ZNF423: variants seen among roughly 807,000 people sequenced by gnomAD.
The protein encoded by ZNF423 is zinc finger protein 423, also known as Ebf-associated zinc finger protein.
Under a neutral mutation model 95.8 loss-of-function variants are expected in ZNF423, and 12 were observed. That is an observed-to-expected ratio of 0.13 (90% CI 0.08 to 0.20). ZNF423 has a LOEUF of 0.20. Among genes scored for constraint, ZNF423 ranks in the 10% least tolerant of loss-of-function variants. The pLI is 1.00. For missense variants in ZNF423, 1,316 were observed against 1,737.1 expected, an observed-to-expected ratio of 0.76 and a Z score of 4.31; for synonymous variants, 749 against 711.9, an observed-to-expected ratio of 1.05 and a Z score of -0.83.
chr16:49,528,193 C>T (rs550582266), intron 5 of ZNF423, among the ~76,000 whole-genome samples: 17 of 152,246 alleles, frequency 1.1e-4, no homozygotes, highest in African/African-American at 3.6e-4. Flanking sequence ...ACACAAACAC[C>T]GAGAGGACAA....
intron 2 of ZNF423, among the ~76,000 whole-genome samples, chr16:49,782,826 C>A (rs77043610): frequency 6.6e-6 from 1 of 151,966 alleles, no homozygotes; most frequent in Non-Finnish European, 1.5e-5. Flanking sequence ...TAAAAATGAC[C>A]CCCTTACCCA....
chr16:49,664,140 G>C (rs1324829916), intron 3 of ZNF423: 1 of 985,506 alleles, frequency 1.0e-6, no homozygotes, highest in East Asian at 1.1e-4. Flanking sequence ...CCGATGCCAA[G>C]AGGGCCAGAA....
intron 5 of ZNF423, among the ~76,000 whole-genome samples, chr16:49,542,729 G>A (rs1969297833): frequency 6.6e-6 from 1 of 152,192 alleles, no homozygotes; most frequent in Non-Finnish European, 1.5e-5. Flanking sequence ...CCCTGGGGAG[G>A]AGGCAGCTCC....
intron 3 of ZNF423, among the ~76,000 whole-genome samples, chr16:49,688,226 G>A (rs2151943814): frequency 6.6e-6 from 1 of 152,244 alleles, no homozygotes; most frequent in South Asian, 2.1e-4. Context: ...TTAAGTAGAA[G>A]CTGGATTAAA....
chr16:49,661,358 A>G (rs2030216495), intron 3 of ZNF423, among the ~76,000 whole-genome samples: 1 of 152,208 alleles, frequency 6.6e-6, no homozygotes, highest in Non-Finnish European at 1.5e-5. Context: ...ATATGCATGT[A>G]TATGCTTGCA....
chr16:49,595,112 G>A (rs1416880925), intron 5 of ZNF423, among the ~76,000 whole-genome samples: 1 of 152,186 alleles, frequency 6.6e-6, no homozygotes, highest in African/African-American at 2.4e-5. Flanking sequence ...ACAGCTAAAG[G>A]CGGGAGGGCA....
At chr16:49,676,131 C>G (rs879858227) in intron 3 of ZNF423, among the ~76,000 whole-genome samples, 1 of 152,220 alleles carries the variant, frequency 6.6e-6, no homozygotes, top group Non-Finnish European at 1.5e-5. Flanking sequence ...AATGAATCCA[C>G]TGATCAATGA....
chr16:49,695,697 G>T (rs1324854665), intron 3 of ZNF423, among the ~76,000 whole-genome samples: 1 of 152,244 alleles, frequency 6.6e-6, no homozygotes, highest in Non-Finnish European at 1.5e-5. Context: ...AAAGTGCCAG[G>T]ATTACAGGCG....
intron 2 of ZNF423, among the ~76,000 whole-genome samples, chr16:49,781,691 T>C (rs1277461092): frequency 6.6e-6 from 1 of 152,142 alleles, no homozygotes; most frequent in Non-Finnish European, 1.5e-5. Flanking sequence ...CTTCTGGACA[T>C]TTCTATCCAT....
In ZNF423 at chr16:49,687,318, G is replaced by C. The variant is rs527701115; in HGVS notation, c.301+43453C>G. 1.1e-3 allele frequency among the ~76,000 whole-genome samples: 171 copies of C among 152,126 alleles called. 1 individual carries two copies. The highest frequency in any genetic ancestry group is 1.9e-3 in the Non-Finnish European group (127 of 67,996). On this transcript the variant is annotated intron_variant, in intron 3 of 7. Transcript: ENST00000563137. Reference sequence around the variant, plus strand: ...GTTATATTTAGGAAGGGGTGGAAGTGGGGGAAGCTTCCTCTAGTAATTTTC... The same window carrying C: ...GTTATATTTAGGAAGGGGTGGAAGTCGGGGAAGCTTCCTCTAGTAATTTTC...
chr16:49,627,598 T>C (rs960158044), intron 4 of ZNF423, among the ~76,000 whole-genome samples: 11 of 140,472 alleles, frequency 7.8e-5, no homozygotes, highest in African/African-American at 1.9e-4. Flanking sequence ...CATTTATCTA[T>C]ACTCACTCAC....
At position 49,700,811 on chromosome 16, in the gene ZNF423, C is replaced by A. The variant is rs535068703; in HGVS notation, c.301+29960G>T. 7.5e-4 allele frequency among the ~76,000 whole-genome samples: 114 copies of A among 152,280 alleles called. 1 individual carries two copies. In the South Asian group the frequency reaches 0.017, roughly 23 times the overall value. ...CACGGGACCACAGATGGTTGAACAC[C>A]GTCTGGGAGTCTCACCAAGGGGGGA... On this transcript the variant is annotated intron_variant, in intron 3 of 7. Coordinates refer to ENST00000563137, the MANE Select transcript of ZNF423 (RefSeq NM_001379286.1).
At chr16:49,532,480 G>A (rs561462508) in intron 5 of ZNF423, among the ~76,000 whole-genome samples, 1 of 152,206 alleles carries the variant, frequency 6.6e-6, no homozygotes, top group African/African-American at 2.4e-5. Context: ...GCCCAGAAGG[G>A]ACCCATCGTA....
chr16:49,532,030 C>T (rs1466126427), intron 5 of ZNF423, among the ~76,000 whole-genome samples: 1 of 152,202 alleles, frequency 6.6e-6, no homozygotes, highest in East Asian at 1.9e-4. Flanking sequence ...CCTGCTGTCC[C>T]GAAGCTGGGT....
chr16:49,690,160 G>A (rs994903655), intron 3 of ZNF423, among the ~76,000 whole-genome samples: 3 of 152,318 alleles, frequency 2.0e-5, no homozygotes, highest in Non-Finnish European at 1.5e-5. Flanking sequence ...AACCCTCATC[G>A]CCATGCAAGA....
intron 1 of ZNF423, among the ~76,000 whole-genome samples, chr16:49,827,574 G>A (rs999914369): frequency 6.6e-6 from 1 of 151,830 alleles, no homozygotes; most frequent in Non-Finnish European, 1.5e-5. Context: ...GGAGTGTAGC[G>A]GCTCAATCAT....
intron 3 of ZNF423, among the ~76,000 whole-genome samples, chr16:49,714,325 C>T (rs1052737877): frequency 6.6e-6 from 1 of 152,200 alleles, no homozygotes; most frequent in African/African-American, 2.4e-5. Flanking sequence ...TATATTTCAA[C>T]ACGCAGCCAG....
intron 1 of ZNF423, among the ~76,000 whole-genome samples, chr16:49,800,463 G>T (rs1200386106): frequency 1.3e-5 from 2 of 152,110 alleles, no homozygotes; most frequent in African/African-American, 4.8e-5. Flanking sequence ...ACTGATCGGG[G>T]TTCTTTCTCT....
intron 3 of ZNF423, among the ~76,000 whole-genome samples, chr16:49,700,447 G>T (rs2032140983): frequency 6.6e-6 from 1 of 152,252 alleles, no homozygotes; most frequent in East Asian, 1.9e-4. Flanking sequence ...CACCCATCAT[G>T]ACACCCCAGG....
Sources: gnomAD v4.1 joint callset for allele counts (sites outside exome capture counted in the v4.1 genomes callset) on GRCh38, gnomAD v4.1.1 for gene constraint, MANE v1.5 for transcripts, NCBI Gene and HGNC (gene_info 2026-07-23, HGNC 2026-07-21) for gene names.